The following TNR variants were observed in gnomAD, a reference collection of about 807,000 sequenced individuals.
TNR encodes tenascin-R.
A neutral mutation model predicts 150.4 loss-of-function variants in TNR; 45 were observed. The ratio of observed to expected loss-of-function variants is 0.30; its 90% CI spans 0.24 to 0.38. The LOEUF (loss-of-function observed/expected upper bound fraction) is 0.38. Ranked by LOEUF, TNR falls within the 10% of genes least tolerant of loss-of-function variation. The pLI is 1.00. For missense variants in TNR, 1,544 were observed against 1,759.1 expected (o/e 0.88, Z 2.19); for synonymous variants, 687 against 678.4 (o/e 1.01, Z -0.20).
At position 175,393,576 on chromosome 1, in the gene TNR, C is replaced by T. The variant is rs529185883; in HGVS notation, c.1356+204G>A. Among the ~76,000 whole-genome samples the T allele has an allele frequency of 2.0e-5, 3 of 152,256 alleles. 1 individual carries two copies. The highest frequency in any genetic ancestry group is 4.2e-4 in the South Asian group (2 of 4,818). On this transcript the variant is annotated intron_variant, in intron 6 of 22. Coordinates refer to ENST00000367674, the MANE Select transcript of TNR (RefSeq NM_003285.3). ...TTCTGCAAGGCCAGGGTGCCATGCT[C>T]AGGGCTACTCTTGTCAGCAGGTCGT...
chr1:175,499,049 A>T (rs1182333520), intron 2 of TNR, among the ~76,000 whole-genome samples: 1 of 152,242 alleles, frequency 6.6e-6, no homozygotes, highest in Non-Finnish European at 1.5e-5. Context: ...GAAAGTCGAC[A>T]TAGCACAAAG....
At chr1:175,331,994 A>G (rs1397873582) in intron 20 of TNR, among the ~76,000 whole-genome samples, 2 of 151,928 alleles carry the variant, frequency 1.3e-5, no homozygotes, top group African/African-American at 4.8e-5. Context: ...CTGACCCACA[A>G]CTCACCCTAG....
At chr1:175,497,296 G>A (rs573195650) in intron 2 of TNR, among the ~76,000 whole-genome samples, 5 of 152,240 alleles carry the variant, frequency 3.3e-5, no homozygotes, top group African/African-American at 4.8e-5. Flanking sequence ...GTGCTCCTCC[G>A]CTTGCCCCAT....
At chr1:175,662,993 T>G (rs1306722669) in intron 1 of TNR, among the ~76,000 whole-genome samples, 1 of 152,224 alleles carries the variant, frequency 6.6e-6, no homozygotes, top group African/African-American at 2.4e-5. Flanking sequence ...AATGTCTACC[T>G]CACTGATTTG....
chr1:175,362,276 C>T lies in TNR; in HGVS notation c.2854+387G>A, dbSNP rs80182333. 4.3e-3 allele frequency among the ~76,000 whole-genome samples: 653 copies of T among 152,262 alleles called. 4 individuals carry two copies. The highest frequency in any genetic ancestry group is 0.015 in the African/African-American group (631 of 41,548). On this transcript the variant is annotated intron_variant, in intron 14 of 22. Coordinates refer to ENST00000367674, the MANE Select transcript of TNR (RefSeq NM_003285.3). ...TATATCTGATGATGAATTTCATGACCCCATTCCATTACTGGAATAACAACC... is the reference window on the plus strand; with the variant it reads ...TATATCTGATGATGAATTTCATGACTCCATTCCATTACTGGAATAACAACC...
At chr1:175,343,945 T>C (rs1650647398) in intron 18 of TNR, among the ~76,000 whole-genome samples, 1 of 152,172 alleles carries the variant, frequency 6.6e-6, no homozygotes, top group Admixed American at 6.5e-5. Flanking sequence ...TTTGGCGTTT[T>C]TGAACAACGA....
intron 1 of TNR, among the ~76,000 whole-genome samples, chr1:175,573,463 T>A (rs1247838699): frequency 6.6e-6 from 1 of 152,044 alleles, no homozygotes; most frequent in Non-Finnish European, 1.5e-5. Flanking sequence ...CTAAGCAAAG[T>A]AAGATGGAAA....
rs549662902 is a variant in TNR, at chr1:175,614,248, A to G, written c.-164-85879T>C. 3.6e-4 allele frequency among the ~76,000 whole-genome samples: 55 copies of G among 152,352 alleles called. 1 individual carries two copies. The East Asian group carries it at 0.01, about 28-fold the overall frequency. Reference sequence around the variant, plus strand: ...GAGAGAGAGGTGTGGGGAAAAGATTATGATACCTATGTATGGTGTGGAGCA... The same window carrying G: ...GAGAGAGAGGTGTGGGGAAAAGATTGTGATACCTATGTATGGTGTGGAGCA... On this transcript the variant is annotated intron_variant, in intron 1 of 22. Transcript: ENST00000367674.
chr1:175,358,246 CA>C (rs1286307154), intron 15 of TNR, among the ~76,000 whole-genome samples: 7 of 152,192 alleles, frequency 4.6e-5, no homozygotes, highest in African/African-American at 1.7e-4. Context: ...GAGGGTCATT[CA>C]TTCAGCTACA....
chr1:175,596,107 C>A (rs1333568500), intron 1 of TNR, among the ~76,000 whole-genome samples: 1 of 152,160 alleles, frequency 6.6e-6, no homozygotes, highest in Non-Finnish European at 1.5e-5. Flanking sequence ...AGGTTGAAAA[C>A]AACATCCCAT....
At chr1:175,698,202 A>T (rs775506224) in intron 1 of TNR, among the ~76,000 whole-genome samples, 5 of 152,154 alleles carry the variant, frequency 3.3e-5, no homozygotes, top group Non-Finnish European at 7.3e-5. Context: ...GACAACGAAC[A>T]GTCAAACATA....
At chr1:175,501,132 C>T (rs1166351479) in intron 2 of TNR, among the ~76,000 whole-genome samples, 1 of 152,052 alleles carries the variant, frequency 6.6e-6, no homozygotes, top group Admixed American at 6.5e-5. Flanking sequence ...ATTAGCTGAC[C>T]CGAGTTAATC....
At chr1:175,396,416 T>C in intron 5 of TNR, 128 bp downstream of exon 5, 1 of 1,233,928 alleles carries the variant, frequency 8.1e-7, no homozygotes. Context: ...TCTCTAGCCC[T>C]TCCCCTCAAG....
intron 8 of TNR, among the ~76,000 whole-genome samples, chr1:175,380,883 T>C (rs1320640510): frequency 6.6e-6 from 1 of 152,218 alleles, no homozygotes; most frequent in East Asian, 1.9e-4. Flanking sequence ...TGAGAAAACC[T>C]CGAGTGGACT....
intron 2 of TNR, among the ~76,000 whole-genome samples, chr1:175,438,523 G>A (rs2102078122): frequency 6.6e-6 from 1 of 152,182 alleles, no homozygotes; most frequent in Non-Finnish European, 1.5e-5. Flanking sequence ...TGGAAGTTCT[G>A]GCCAGGGCAA....
rs1664198530 is a variant in TNR, at chr1:175,627,735, T to C, written c.-164-99366A>G. The stretch of plus-strand genomic sequence containing the variant: ...CCCCCAAAATGACTAAGATCAGTTC[T>C]ACTTTCAAGTTAATCTGAGGCTCTC... On this transcript the variant is annotated intron_variant, in intron 1 of 22. Transcript: ENST00000367674. Among the ~76,000 whole-genome samples, 4 of 152,028 alleles carry C rather than the reference T, an allele frequency of 2.6e-5. No individual in the cohort carries two copies. In the South Asian group the frequency reaches 8.3e-4, roughly 32 times the overall value.
chr1:175,393,001 A>G (rs979764406), intron 6 of TNR, among the ~76,000 whole-genome samples: 15 of 152,224 alleles, frequency 9.9e-5, no homozygotes, highest in Non-Finnish European at 2.1e-4. Context: ...TGGCTAAAAA[A>G]TGTTCTTTGA....
chr1:175,454,549 C>T lies in TNR; in HGVS notation c.-63-47772G>A, dbSNP rs187446559. Among the ~76,000 whole-genome samples, 356 of 152,310 alleles carry T rather than the reference C, an allele frequency of 2.3e-3. 4 individuals are homozygous for T. The highest frequency in any genetic ancestry group is 7.8e-3 in the African/African-American group (323 of 41,564). Reference sequence around the variant, plus strand: ...GCAATGGCGCAATCTCGGCTCACTGCAACCTCCCCTCTCCTGGGTTCAAGC... The same window carrying T: ...GCAATGGCGCAATCTCGGCTCACTGTAACCTCCCCTCTCCTGGGTTCAAGC... On this transcript the variant is annotated intron_variant, in intron 2 of 22. Coordinates refer to ENST00000367674, the MANE Select transcript of TNR (RefSeq NM_003285.3).
chr1:175,448,509 G>A (rs997748096), intron 2 of TNR, among the ~76,000 whole-genome samples: 3 of 152,078 alleles, frequency 2.0e-5, no homozygotes, highest in African/African-American at 4.8e-5. Flanking sequence ...TGTGCCCGGC[G>A]CCTTCAGGGA....
Sources: allele counts gnomAD v4.1 joint callset (sites outside exome capture counted in the v4.1 genomes callset), GRCh38; gene constraint gnomAD v4.1.1; transcripts MANE v1.5; gene names NCBI Gene and HGNC (gene_info 2026-07-23, HGNC 2026-07-21).